Variants in TAF6L observed in about 807,000 individuals in gnomAD.
TAF6L encodes TAF6-like RNA polymerase II p300/CBP-associated factor-associated factor 65 kDa subunit 6L.
TAF6L carries 34 observed loss-of-function variants against 57.3 expected under a neutral mutation model. The observed-to-expected ratio is 0.59, with a 90% CI of 0.45 to 0.79. The LOEUF is 0.79. Among genes scored for constraint, TAF6L ranks in the 30% least tolerant of loss-of-function variants. The probability of loss-of-function intolerance (pLI) is 0.00; values close to 1 mark genes in which losing one functional copy is unlikely to be tolerated. For missense variants in TAF6L, 782 were observed against 853.2 expected (o/e 0.92, Z 1.04); for synonymous variants, 417 against 376.3 (o/e 1.11, Z -1.25).
At chr11:62,779,581 C>T (rs1394689465) in intron 6 of TAF6L, among the ~76,000 whole-genome samples, 1 of 152,014 alleles carries the variant, frequency 6.6e-6, no homozygotes, top group Non-Finnish European at 1.5e-5. Flanking sequence ...CCGCCTTGGC[C>T]TCCCAAAGTG....
chr11:62,786,547 G>A lies in TAF6L; in HGVS notation c.1120G>A (p.Ala374Thr). ...VAVERLLKMKAQAAEPNRGGP... is the reference protein window; with the variant it reads ...VAVERLLKMKTQAAEPNRGGP... The stretch of plus-strand genomic sequence containing the variant: ...GGTAGAGCGACTGCTGAAGATGAAG[G>A]CCCAGGCAGCAGAGCCCAACAGGGG... Residue 374 changes from alanine (A) to threonine (T), a missense_variant, in exon 11 of 11, where the codon GCC becomes ACC. This residue lies in a region of TAF6L where 483 missense variants were observed against 445.1 expected (regional missense o/e 1.09). Transcript: ENST00000294168. The A allele has an allele frequency of 6.4e-7, 1 of 1,553,902 alleles. No individual in the cohort carries two copies. Among genetic ancestry groups the A allele is most frequent in the Non-Finnish European group, 8.7e-7 (1 of 1,148,584 alleles).
chr11:62,784,615 AAT>A (rs1230883108), intron 9 of TAF6L, among the ~76,000 whole-genome samples: 3 of 152,004 alleles, frequency 2.0e-5, no homozygotes, highest in Admixed American at 2.0e-4. Context: ...CTATATTCTT[AAT>A]TTTATCATCA....
chr11:62,784,674 T>A (rs1022071319), intron 9 of TAF6L, among the ~76,000 whole-genome samples: 1 of 152,210 alleles, frequency 6.6e-6, no homozygotes, highest in Non-Finnish European at 1.5e-5. Flanking sequence ...TCTTTTGAAA[T>A]GATCCGAAGG....
At position 62,787,166 on chromosome 11, in the gene TAF6L, C is replaced by G. The variant is rs780874776; in HGVS notation, c.1739C>G (p.Thr580Ser). ...GRRCRGRLFQ[T>S]AFPAPYGPSP... ...CGCTGCCGCGGGCGCCTTTTCCAGA[C>G]TGCCTTCCCCGCGCCGTACGGGCCT... The change falls in exon 11 of 11, where the codon ACT becomes AGT. Residue 580 changes from threonine (T) to serine (S), a missense_variant. Thr to Ser is a moderately conservative substitution (Grantham distance 58). Around this residue, in one of 3 missense-constraint regions of TAF6L, gnomAD observed 483 missense variants for 445.1 expected, o/e 1.09. Coordinates refer to ENST00000294168, the MANE Select transcript of TAF6L (RefSeq NM_006473.4). 8 of 1,581,902 alleles carry G rather than the reference C, an allele frequency of 5.1e-6. No homozygotes were observed. The highest frequency in any genetic ancestry group is 5.1e-6 in the Non-Finnish European group (6 of 1,173,140).
At position 62,783,775 on chromosome 11, in the gene TAF6L, T is replaced by G. The variant is rs1338702598; in HGVS notation, c.960+950T>G. On this transcript the variant is annotated intron_variant, in intron 9 of 10. Coordinates refer to ENST00000294168, the MANE Select transcript of TAF6L (RefSeq NM_006473.4). Reference sequence around the variant, plus strand: ...CTCAAACTCCTAGCCTCAAGTGGTCTGCCTGCCTCGGCTTCCCATAGTGCT... The same window carrying G: ...CTCAAACTCCTAGCCTCAAGTGGTCGGCCTGCCTCGGCTTCCCATAGTGCT... Among the ~76,000 whole-genome samples the G allele has an allele frequency of 3.3e-5, 5 of 151,876 alleles. No homozygotes were observed. The East Asian group carries it at 8.0e-4, about 24-fold the overall frequency.
In TAF6L at chr11:62,787,249, G is replaced by A. The variant is rs772224928; in HGVS notation, c.1822G>A (p.Ala608Thr). ...CATGATCGGCCGTACCAGCCGCCCCGCCCGCCGGTGGGCGCTCTCGGACTA... is the reference window on the plus strand; with the variant it reads ...CATGATCGGCCGTACCAGCCGCCCCACCCGCCGGTGGGCGCTCTCGGACTA... ...LPMIGRTSRP[A>T]RRWALSDYSL... is the part of the protein sequence containing the mutation. The change falls in exon 11 of 11, where the codon GCC becomes ACC. Residue 608 changes from alanine to threonine, a missense_variant. Physicochemically the swap from Ala to Thr is moderately conservative, Grantham distance 58. Around this residue, in one of 3 missense-constraint regions of TAF6L, gnomAD observed 483 missense variants for 445.1 expected, o/e 1.09. Coordinates refer to ENST00000294168, the MANE Select transcript of TAF6L (RefSeq NM_006473.4). 7.0e-6 allele frequency: 11 copies of A among 1,565,878 alleles called. No homozygotes were observed. Among genetic ancestry groups the A allele is most frequent in the Non-Finnish European group, 9.5e-6 (11 of 1,163,992 alleles).
At position 62,787,005 on chromosome 11, in the gene TAF6L, C is replaced by T; in HGVS notation, c.1578C>T (p.Arg526=). 1.3e-6 allele frequency: 2 copies of T among 1,483,704 alleles called. No homozygotes were observed. The highest frequency in any genetic ancestry group is 1.3e-5 in the South Asian group (1 of 77,410). 91.9% of individuals were successfully genotyped at this position (1,483,704 alleles called of 1,614,324 possible). ...CCTCTGAGAGCAGGCCCTTGCCGCG[C>T]GTGCATCGGGCGCGCGGGGCACCCC... ...PAASESRPLP[R]VHRARGAPRQ... The change falls in exon 11 of 11, where the codon CGC becomes CGT. Residue 526 remains arginine (R), a synonymous_variant. Transcript: ENST00000294168.
chr11:62,779,534 C>T (rs1013132454), intron 6 of TAF6L, among the ~76,000 whole-genome samples: 1 of 152,004 alleles, frequency 6.6e-6, no homozygotes, highest in African/African-American at 2.4e-5. Flanking sequence ...GCATGTTGGT[C>T]AGACTGGTCT....
rs1371055906 is a variant in TAF6L, at chr11:62,774,922, G to A, written c.-13-849G>A. The stretch of plus-strand genomic sequence containing the variant: ...AAAAAAAAAAAAAATTTAGCCATCC[G>A]GGCGTGGTGGCAGGTACCTGTAATC... On this transcript the variant is annotated intron_variant, in intron 1 of 10. Transcript: ENST00000294168. 3.3e-5 allele frequency among the ~76,000 whole-genome samples: 5 copies of A among 150,742 alleles called. No individual in the cohort carries two copies. In the East Asian group the frequency reaches 5.8e-4, roughly 18 times the overall value.
intron 6 of TAF6L, among the ~76,000 whole-genome samples, chr11:62,780,590 T>C (rs1488050647): frequency 6.6e-6 from 1 of 151,368 alleles, no homozygotes; most frequent in Non-Finnish European, 1.5e-5. Context: ...GAAAAAGTAA[T>C]ACTAGTACAT....
Position 62,778,313 on chromosome 11 carries a change from G to A in TAF6L, c.414G>A (p.Gly138=). The A allele has an allele frequency of 6.2e-7, 1 of 1,614,192 alleles. No individual in the cohort carries two copies. The highest frequency in any genetic ancestry group is 8.5e-7 in the Non-Finnish European group (1 of 1,180,046). ...ATGTCTCCTACCTGGATGGCAAAGG[G>A]AACCTGGCACCTCAAGGATCGGGTA... The part of the protein sequence containing the change: ...RVHVSYLDGK[G]NLAPQGSVPS... The change falls in exon 5 of 11, where the codon GGG becomes GGA. Residue 138 remains glycine, a synonymous_variant. Transcript: ENST00000294168.
chr11:62,781,968 G>A lies in TAF6L; in HGVS notation c.606G>A (p.Gly202=). 6.2e-7 allele frequency: 1 copy of A among 1,613,938 alleles called. No individual in the cohort carries two copies. Among genetic ancestry groups the A allele is most frequent in the Non-Finnish European group, 8.5e-7 (1 of 1,179,922 alleles). Residue 202 remains glycine (G), a splice_region_variant and synonymous_variant, in exon 7 of 11, where the codon GGG becomes GGA. Coordinates refer to ENST00000294168, the MANE Select transcript of TAF6L (RefSeq NM_006473.4). ...CTTACTTTGTTTATGTGGTCAGTGG[G>A]GTAAGTGACCAGGCTGGGACAGGGA... The part of the protein sequence containing the change: ...LLPYFVYVVS[G]VKSVSHDLEQ...
At chr11:62,779,972 A>ATTTTTTTTT (rs1367245372) in intron 6 of TAF6L, among the ~76,000 whole-genome samples, 1 of 61,478 alleles carries the variant, frequency 1.6e-5, no homozygotes, top group African/African-American at 4.9e-5. Flanking sequence ...ATATATATAT[A>ATTTTTTTTT]TATATTTTTT....
chr11:62,776,027 G>A (rs945079247), intron 2 of TAF6L, 97 bp downstream of exon 2: 1 of 1,416,462 alleles, frequency 7.1e-7, no homozygotes, highest in African/African-American at 1.4e-5. Flanking sequence ...TACACTGGGT[G>A]CCTGCTCCAT....
At chr11:62,786,135 G>T (rs577160360) in intron 9 of TAF6L, 125 bp from the exon 10 acceptor site, 2 of 1,220,582 alleles carry the variant, frequency 1.6e-6, no homozygotes, top group African/African-American at 3.0e-5. Context: ...ATGCCAATCA[G>T]GGAATTTAGG....
intron 9 of TAF6L, among the ~76,000 whole-genome samples, chr11:62,783,987 G>A (rs1357534617): frequency 2.3e-4 from 1 of 4,396 alleles, no homozygotes. Context: ...CCAAGATGGC[G>A]CCACTACACT....
At chr11:62,776,920 C>T (rs182666317) in intron 3 of TAF6L, among the ~76,000 whole-genome samples, 34 of 151,534 alleles carry the variant, frequency 2.2e-4, no homozygotes, top group African/African-American at 7.3e-4. Flanking sequence ...AGGTGGAGGC[C>T]GGCGGATCAC....
At position 62,787,151 on chromosome 11, in the gene TAF6L, G is replaced by T. The variant is rs755464500; in HGVS notation, c.1724G>T (p.Gly575Val). Residue 575 changes from glycine (G) to valine (V), a missense_variant, in exon 11 of 11, where the codon GGG (glycine) becomes GTG (valine). By Grantham distance (109) the Gly-to-Val change is moderately radical (BLOSUM62 -3). This residue lies in a region of TAF6L where 483 missense variants were observed against 445.1 expected (regional missense o/e 1.09). Coordinates refer to ENST00000294168, the MANE Select transcript of TAF6L (RefSeq NM_006473.4). ...CGGCAGGCTGGGAGGCGCTGCCGCGGGCGCCTTTTCCAGACTGCCTTCCCC... is the reference window on the plus strand; with the variant it reads ...CGGCAGGCTGGGAGGCGCTGCCGCGTGCGCCTTTTCCAGACTGCCTTCCCC... ...AGRQAGRRCRGRLFQTAFPAP... is the reference protein window; with the variant it reads ...AGRQAGRRCRVRLFQTAFPAP... The T allele has an allele frequency of 1.3e-6, 2 of 1,573,632 alleles. No individual in the cohort carries two copies. The highest frequency in any genetic ancestry group is 4.7e-5 in the East Asian group (2 of 42,568).
chr11:62,777,886 C>T, intron 3 of TAF6L, 92 bp from the exon 4 acceptor site: 2 of 1,448,388 alleles, frequency 1.4e-6, no homozygotes, highest in South Asian at 2.7e-5. Flanking sequence ...CAAACGTGGG[C>T]TCTCTGCTCT....
Sources: allele counts gnomAD v4.1 joint callset (sites outside exome capture counted in the v4.1 genomes callset), GRCh38; gene constraint gnomAD v4.1.1; regional missense constraint gnomAD v4.1.1; transcripts MANE v1.5; gene names NCBI Gene and HGNC (gene_info 2026-07-23, HGNC 2026-07-21).